The following PARP4 variants were observed in gnomAD, a reference collection of about 807,000 sequenced individuals.
The protein encoded by PARP4 is poly(ADP-ribose) polymerase family member 4.
A neutral mutation model predicts 187.7 loss-of-function variants in PARP4; 120 were observed. The observed-to-expected ratio is 0.64, with a 90% confidence interval of 0.55 to 0.74. PARP4 has a LOEUF of 0.74. PARP4 is among the 30% of genes least tolerant of loss of function. PARP4 has a pLI of 0.00. For synonymous variants in PARP4, 654 were observed against 740.9 expected (o/e 0.88, Z 1.90); for missense variants, 1,836 against 2,070.5 (o/e 0.89, Z 2.20).
rs745317900 is a variant in PARP4, at chr13:24,456,436, A to G, written c.2467T>C (p.Ser823Pro). 2.5e-6 allele frequency: 4 copies of G among 1,609,572 alleles called. No homozygotes were observed. In the South Asian group the frequency reaches 4.4e-5, roughly 18 times the overall value. The change falls in exon 21 of 34, where the codon TCC (serine) becomes CCC (proline). Residue 823 changes from serine to proline, a missense_variant. Ser to Pro is a moderately conservative substitution (Grantham distance 74). Transcript: ENST00000381989. ...AGAGAAAATCCACTGCTGTCTAAGG[A>G]GCTGCCTTCCATGGTGCTAATGACA... ...KAVISTMEGS[S>P]LDSSGFSLHI...
At chr13:24,468,082 TCA>T (rs1872563228) in intron 17 of PARP4, among the ~76,000 whole-genome samples, 1 of 152,156 alleles carries the variant, frequency 6.6e-6, no homozygotes, top group Non-Finnish European at 1.5e-5. Context: ...TGTGTCACCC[TCA>T]GAGGCGATAC....
chr13:24,493,569 T>C (rs771501238), intron 8 of PARP4, 27 bp downstream of exon 8: 1 of 1,588,630 alleles, frequency 6.3e-7, no homozygotes, highest in South Asian at 1.1e-5. Context: ...ATTTTTCACA[T>C]TCTGTTTCAG....
In PARP4 at chr13:24,484,766, G is replaced by A. The variant is rs749832665; in HGVS notation, c.1353-18C>T. On this transcript the variant is annotated intron_variant, in intron 11 of 33. Coordinates refer to ENST00000381989, the MANE Select transcript of PARP4 (RefSeq NM_006437.4). ...GCAACCCTCTGAAAAGAGAAGGGCA[G>A]GATAAGGTGTAAGCCCAACACTGAC... 5 of 1,475,852 alleles carry A rather than the reference G, an allele frequency of 3.4e-6. No individual in the cohort carries two copies. Among genetic ancestry groups the A allele is most frequent in the Non-Finnish European group, 4.7e-6 (5 of 1,053,694 alleles). 91.4% of individuals were successfully genotyped at this position (1,475,852 alleles called of 1,614,324 possible).
At chr13:24,431,308 C>T (rs1816750) in intron 32 of PARP4, 69 bp downstream of exon 32, 799,183 of 840,694 alleles carry the variant, frequency 0.95, 380,160 homozygotes, top group East Asian at 0.99. Context: ...AAACAGTTTA[C>T]AACAATTAGG....
chr13:24,489,026 G>T (rs1158355956), intron 10 of PARP4, among the ~76,000 whole-genome samples: 1 of 146,538 alleles, frequency 6.8e-6, no homozygotes, highest in African/African-American at 2.6e-5. Flanking sequence ...TATTTATCAC[G>T]TTTTGTTTAT....
chr13:24,461,677 G>A (rs750389), intron 17 of PARP4, among the ~76,000 whole-genome samples: 78,952 of 151,724 alleles, frequency 0.52, 20,671 homozygotes, highest in South Asian at 0.65. Flanking sequence ...GGAGACCAAG[G>A]GGAGCACCTC....
intron 1 of PARP4, among the ~76,000 whole-genome samples, chr13:24,505,683 C>T (rs1195290071): frequency 6.6e-6 from 1 of 152,230 alleles, no homozygotes; most frequent in African/African-American, 2.4e-5. Flanking sequence ...CCCGCGCCAC[C>T]ACGCCCGGCT....
intron 10 of PARP4, among the ~76,000 whole-genome samples, chr13:24,486,984 G>A (rs1330148742): frequency 7.2e-5 from 11 of 151,848 alleles, no homozygotes; most frequent in Non-Finnish European, 1.3e-4. Flanking sequence ...GTTATCGGCC[G>A]GGCATGGTGG....
Position 24,434,943 on chromosome 13 carries a change from C to T in PARP4, c.4198G>A (p.Val1400Ile), listed in dbSNP as rs1870539882. Reference protein sequence around the residue: ...NPPSSPYCGIVFSGSSLSSAQ... With the variant: ...NPPSSPYCGIIFSGSSLSSAQ... ...GAGCTTAATGAGCTCCCTGAAAAAA[C>T]AATGCCACAATAGGGTGAAGAAGGT... The change falls in exon 31 of 34, where the codon GTT (valine) becomes ATT (isoleucine). Residue 1400 changes from valine to isoleucine, a missense_variant. Transcript: ENST00000381989. The T allele has an allele frequency of 6.2e-7, 1 of 1,613,924 alleles. No homozygotes were observed. Among genetic ancestry groups the T allele is most frequent in the East Asian group, 2.2e-5 (1 of 44,852 alleles).
At chr13:24,510,387 T>C (rs1869937962) in intron 1 of PARP4, among the ~76,000 whole-genome samples, 1 of 151,898 alleles carries the variant, frequency 6.6e-6, no homozygotes, top group Non-Finnish European at 1.5e-5. Flanking sequence ...ACCCCGTCTC[T>C]ACTAAAAATA....
intron 15 of PARP4, among the ~76,000 whole-genome samples, chr13:24,475,125 C>T (rs1290953392): frequency 2.6e-5 from 4 of 152,332 alleles, no homozygotes; most frequent in African/African-American, 9.6e-5. Context: ...AGGTTCAAAG[C>T]CCCTGTCTTT....
intron 7 of PARP4, among the ~76,000 whole-genome samples, 158 bp from the exon 8 acceptor site, chr13:24,493,891 C>A (rs1368143316): frequency 1.3e-5 from 2 of 152,094 alleles, no homozygotes; most frequent in Non-Finnish European, 2.9e-5. Context: ...TCTACTAGAT[C>A]CTCCCTCTGT....
At chr13:24,435,937 G>A (rs78606595) in intron 30 of PARP4, among the ~76,000 whole-genome samples, 88 of 47,256 alleles carry the variant, frequency 1.9e-3, no homozygotes, top group Middle Eastern at 0.011. Context: ...AAAAAAAAAA[G>A]AAAGAAAGAA....
At chr13:24,494,108 T>G (rs3783071) in intron 7 of PARP4, among the ~76,000 whole-genome samples, 16,669 of 152,214 alleles carry the variant, frequency 0.11, 987 homozygotes, top group African/African-American at 0.12. Context: ...ACATCTCCTG[T>G]CTTGTTCTAA....
At chr13:24,504,159 A>C (rs554605117) in intron 1 of PARP4, among the ~76,000 whole-genome samples, 2 of 152,286 alleles carry the variant, frequency 1.3e-5, no homozygotes, top group South Asian at 4.1e-4. Context: ...TTTAATATAT[A>C]ATTCTATGCA....
Position 24,426,316 on chromosome 13 carries a change from C to G in PARP4, c.4979+150G>C, listed in dbSNP as rs561462882. 5.1e-5 allele frequency: 32 copies of G among 630,544 alleles called. No individual in the cohort carries two copies. The Admixed American group carries it at 9.0e-4, about 18-fold the overall frequency. 39.1% of individuals were successfully genotyped at this position (630,544 alleles called of 1,614,324 possible). A position where few individuals can be genotyped will look rare whatever the true frequency, so the allele number is the denominator to read the frequency against. On this transcript the variant is annotated intron_variant, in intron 33 of 33. Coordinates refer to ENST00000381989, the MANE Select transcript of PARP4 (RefSeq NM_006437.4). ...CATCAGCCCTGCCCGCCACAGGAGACTATGGGCAAGCTGTCACCTGCAAAC... is the reference window on the plus strand; with the variant it reads ...CATCAGCCCTGCCCGCCACAGGAGAGTATGGGCAAGCTGTCACCTGCAAAC...
At chr13:24,485,569 T>G (rs1873508001) in intron 11 of PARP4, among the ~76,000 whole-genome samples, 1 of 152,178 alleles carries the variant, frequency 6.6e-6, no homozygotes, top group Non-Finnish European at 1.5e-5. Context: ...AATTAATGGA[T>G]CTACATTTAA....
chr13:24,453,600 G>T lies in PARP4; in HGVS notation c.2813C>A (p.Ala938Glu). 1 of 1,597,904 alleles carries T rather than the reference G, an allele frequency of 6.3e-7. No homozygotes were observed. Among genetic ancestry groups the T allele is most frequent in the Non-Finnish European group, 8.6e-7 (1 of 1,165,352 alleles). ...TCTTGCACTCACCATGATGAACTCTGCTGCCATGGTATTGCTTGTGATATG... is the reference window on the plus strand; with the variant it reads ...TCTTGCACTCACCATGATGAACTCTTCTGCCATGGTATTGCTTGTGATATG... ...PKHITSNTMA[A>E]EFIMSATPTM... Residue 938 changes from alanine (A) to glutamate (E), a missense_variant, in exon 23 of 34, where the codon GCA (alanine) becomes GAA (glutamate). Coordinates refer to ENST00000381989, the MANE Select transcript of PARP4 (RefSeq NM_006437.4).
At position 24,459,973 on chromosome 13, in the gene PARP4, T is replaced by C; in HGVS notation, c.2297A>G (p.Gln766Arg). 6.2e-7 allele frequency: 1 copy of C among 1,613,596 alleles called. No individual in the cohort carries two copies. The highest frequency in any genetic ancestry group is 1.1e-5 in the South Asian group (1 of 90,952). ...TCTTCAAATCTTATGCGTACAAACC[T>C]GAAGGTTTTCATTCAAAGCCTTGTC... The part of the protein sequence containing the change: ...QQDKALNENL[Q>R]DTVEKICIKE... Residue 766 changes from glutamine to arginine, a missense_variant and splice_region_variant, in exon 18 of 34, where the codon CAG becomes CGG. Physicochemically the swap from Gln to Arg is conservative, Grantham distance 43. Transcript: ENST00000381989.
Sources: allele counts gnomAD v4.1 joint callset (sites outside exome capture counted in the v4.1 genomes callset), GRCh38; gene constraint gnomAD v4.1.1; transcripts MANE v1.5; gene names NCBI Gene and HGNC (gene_info 2026-07-23, HGNC 2026-07-21).